ENTREP1: variants seen among roughly 807,000 people sequenced by gnomAD.
The protein encoded by ENTREP1 is endosomal transmembrane epsin interactor 1.
chr9:69,365,724 C>CTG, the ENTREP1 span, among the ~76,000 whole-genome samples: 1 of 151,588 alleles, frequency 6.6e-6, no homozygotes, highest in Non-Finnish European at 1.5e-5. Context: ...ATTCTACTCT[C>CTG]TCTCGATGAG....
chr9:69,377,598 G>T, the ENTREP1 span: 1 of 1,613,316 alleles, frequency 6.2e-7, no homozygotes, highest in Non-Finnish European at 8.5e-7. Context: ...TAACTGAGCT[G>T]CTGTTTAATC....
At chr9:69,325,651 C>T in the ENTREP1 span, 6 of 1,231,512 alleles carry the variant, frequency 4.9e-6, no homozygotes, top group Non-Finnish European at 2.0e-6. Flanking sequence ...TGGTGGCGCT[C>T]AGCTTCGGGG....
At chr9:69,340,805 G>GTGTGCGCGCA in the ENTREP1 span, among the ~76,000 whole-genome samples, 3 of 52,982 alleles carry the variant, frequency 5.7e-5, 1 homozygote, top group South Asian at 3.0e-3. Flanking sequence ...GTGTGCATGT[G>GTGTGCGCGCA]TGTGTGTATG....
At chr9:69,350,710 C>T in the ENTREP1 span, among the ~76,000 whole-genome samples, 2 of 152,230 alleles carry the variant, frequency 1.3e-5, no homozygotes, top group East Asian at 1.9e-4. Context: ...TATCTTTGTT[C>T]TCACCCTCTC....
the ENTREP1 span, chr9:69,375,703 T>A: frequency 5.1e-6 from 8 of 1,566,314 alleles, no homozygotes; most frequent in African/African-American, 1.1e-4. Flanking sequence ...TCTTAATAAT[T>A]AAAGTATTTT....
At chr9:69,391,772 C>T in the ENTREP1 span, 10 of 1,612,172 alleles carry the variant, frequency 6.2e-6, no homozygotes, top group African/African-American at 1.3e-5. Flanking sequence ...GCCACACAGC[C>T]TCATTGGGGT....
chr9:69,373,198 A>G, the ENTREP1 span, among the ~76,000 whole-genome samples: 1 of 152,214 alleles, frequency 6.6e-6, no homozygotes, highest in Non-Finnish European at 1.5e-5. Context: ...AATTCCCACT[A>G]TCCCTGGATA....
chr9:69,350,153 C>G, the ENTREP1 span, among the ~76,000 whole-genome samples: 1 of 152,092 alleles, frequency 6.6e-6, no homozygotes, highest in African/African-American at 2.4e-5. Context: ...CTTTGTCTAA[C>G]CCAAGGTCAT....
chr9:69,385,763 CTTTT>C, the ENTREP1 span: 72,874 of 1,197,246 alleles, frequency 0.061, 9 homozygotes, highest in East Asian at 0.077. Context: ...TGTTTCGCCT[CTTTT>C]TTTTTTTTTT....
the ENTREP1 span, among the ~76,000 whole-genome samples, chr9:69,339,313 G>C: frequency 6.6e-6 from 1 of 152,158 alleles, no homozygotes; most frequent in Admixed American, 6.5e-5. Flanking sequence ...GAGCCACTAT[G>C]CCTGGCTCAT....
chr9:69,342,716 A>G, the ENTREP1 span, among the ~76,000 whole-genome samples: 1 of 152,260 alleles, frequency 6.6e-6, no homozygotes, highest in East Asian at 1.9e-4. Flanking sequence ...ATTCGTTGAT[A>G]AAATCTCCAA....
At chr9:69,332,813 C>T in the ENTREP1 span, among the ~76,000 whole-genome samples, 6 of 152,140 alleles carry the variant, frequency 3.9e-5, no homozygotes, top group Non-Finnish European at 5.9e-5. Flanking sequence ...GACTTTTTTC[C>T]GCTGAAATAA....
the ENTREP1 span, among the ~76,000 whole-genome samples, chr9:69,343,753 T>C: frequency 2.6e-5 from 4 of 152,238 alleles, no homozygotes; most frequent in African/African-American, 9.6e-5. Context: ...ATTTCATCAA[T>C]GGCATCTCAT....
At chr9:69,354,517 C>T in the ENTREP1 span, among the ~76,000 whole-genome samples, 8 of 152,196 alleles carry the variant, frequency 5.3e-5, no homozygotes, top group African/African-American at 1.9e-4. Context: ...CTTGGCCTCC[C>T]AAAGTGCTGG....
At chr9:69,381,332 TAAG>T in the ENTREP1 span, 1 of 152,314 alleles carries the variant, frequency 6.6e-6, no homozygotes, top group East Asian at 1.9e-4. Flanking sequence ...ATAATGGACA[TAAG>T]AAGCTTTCTG....
chr9:69,332,662 C>T, the ENTREP1 span, among the ~76,000 whole-genome samples: 1 of 152,082 alleles, frequency 6.6e-6, no homozygotes, highest in Non-Finnish European at 1.5e-5. Flanking sequence ...AACAAAATAC[C>T]TCCCCTCCAA....
the ENTREP1 span, chr9:69,377,219 C>G: frequency 6.3e-6 from 4 of 631,528 alleles, no homozygotes; most frequent in Non-Finnish European, 1.1e-5. Context: ...GCACTTTCCA[C>G]GAGCCAAACA....
the ENTREP1 span, among the ~76,000 whole-genome samples, chr9:69,367,605 A>ATAAATT: frequency 6.9e-6 from 1 of 143,900 alleles, no homozygotes; most frequent in African/African-American, 2.5e-5. Context: ...TGTTTTATAT[A>ATAAATT]TATATATATA....
the ENTREP1 span, chr9:69,325,363 G>C: frequency 8.5e-7 from 1 of 1,174,814 alleles, no homozygotes; most frequent in Non-Finnish European, 1.1e-6. Context: ...CTGGGCTTTC[G>C]GGTGGGCCGC....
Sources: gnomAD v4.1 joint callset for allele counts (sites outside exome capture counted in the v4.1 genomes callset) on GRCh38, gnomAD v4.1.1 for gene constraint, MANE v1.5 for transcripts, NCBI Gene and HGNC (gene_info 2026-07-23, HGNC 2026-07-21) for gene names.